RBFOX1: variants seen among roughly 807,000 people sequenced by gnomAD.
RBFOX1 encodes RNA binding protein fox-1 homolog 1.
In RBFOX1, 8 loss-of-function variants were observed where a neutral mutation model predicts 57.7. The observed-to-expected ratio is 0.14, with a 90% CI of 0.08 to 0.25. RBFOX1 has a LOEUF of 0.25. RBFOX1 is among the 10% of genes least tolerant of loss of function. The probability of loss-of-function intolerance (pLI) is 1.00; values close to 1 mark genes in which losing one functional copy is unlikely to be tolerated. For missense variants in RBFOX1, 611 were observed against 548.5 expected (o/e 1.11, Z -1.14); for synonymous variants, 326 against 222.4 (o/e 1.47, Z -4.15).
chr16:7,454,483 A>G (rs1197435152), intron 4 of RBFOX1, among the ~76,000 whole-genome samples: 1 of 152,188 alleles, frequency 6.6e-6, no homozygotes, highest in Admixed American at 6.5e-5. Flanking sequence ...GTTATAGGCT[A>G]TTATAGATAT....
intron 4 of RBFOX1, among the ~76,000 whole-genome samples, chr16:7,130,438 G>A (rs969783286): frequency 6.6e-6 from 1 of 152,156 alleles, no homozygotes; most frequent in Non-Finnish European, 1.5e-5. Context: ...TAACACTTTT[G>A]TGAACCACAT....
chr16:6,941,410 T>C (rs893132663), intron 3 of RBFOX1, among the ~76,000 whole-genome samples: 4 of 151,312 alleles, frequency 2.6e-5, no homozygotes, highest in Non-Finnish European at 5.9e-5. Context: ...GTTTTCTCAT[T>C]TGGAATATTA....
At chr16:5,768,305 G>A (rs2053857243) in intron 3 of RBFOX1, among the ~76,000 whole-genome samples, 1 of 152,268 alleles carries the variant, frequency 6.6e-6, no homozygotes, top group East Asian at 1.9e-4. Flanking sequence ...ATCAAATGGG[G>A]GCCGCTAAGA....
intron 4 of RBFOX1, among the ~76,000 whole-genome samples, chr16:7,118,645 C>T (rs1341828523): frequency 1.3e-5 from 2 of 152,042 alleles, no homozygotes; most frequent in Admixed American, 6.6e-5. Flanking sequence ...TGTCATATTC[C>T]ATTGGTTAGA....
chr16:6,834,458 T>A (rs2141175322), intron 3 of RBFOX1, among the ~76,000 whole-genome samples: 1 of 152,232 alleles, frequency 6.6e-6, no homozygotes, highest in South Asian at 2.1e-4. Context: ...AATGGATGCC[T>A]ATAGCCTTGC....
At chr16:7,434,465 C>T (rs1338606003) in intron 4 of RBFOX1, among the ~76,000 whole-genome samples, 1 of 151,618 alleles carries the variant, frequency 6.6e-6, no homozygotes, top group East Asian at 2.0e-4. Context: ...GAGCAAGACT[C>T]TGTCTCGTTA....
At chr16:5,424,922 TC>T (rs2067484069) in intron 1 of RBFOX1, among the ~76,000 whole-genome samples, 1 of 124,362 alleles carries the variant, frequency 8.0e-6, no homozygotes, top group African/African-American at 3.4e-5. Context: ...TTTCTTTCTT[TC>T]TTTCTTTCTT....
chr16:6,756,759 G>C (rs1350659280), intron 3 of RBFOX1, among the ~76,000 whole-genome samples: 1 of 152,074 alleles, frequency 6.6e-6, no homozygotes, highest in Non-Finnish European at 1.5e-5. Flanking sequence ...GTCATGTGAG[G>C]TCAGGAGTTC....
chr16:5,860,360 C>T (rs1318948616), intron 3 of RBFOX1, among the ~76,000 whole-genome samples: 1 of 152,180 alleles, frequency 6.6e-6, no homozygotes, highest in African/African-American at 2.4e-5. Context: ...CAGACGTGAG[C>T]CACCGCGCCT....
At chr16:6,903,444 C>G (rs1001790732) in intron 3 of RBFOX1, among the ~76,000 whole-genome samples, 4 of 152,178 alleles carry the variant, frequency 2.6e-5, no homozygotes, top group Non-Finnish European at 4.4e-5. Context: ...AGTCTGCCAT[C>G]ATTGCTTATC....
intron 3 of RBFOX1, among the ~76,000 whole-genome samples, chr16:5,867,046 T>C (rs1331514038): frequency 1.3e-5 from 2 of 152,196 alleles, no homozygotes; most frequent in African/African-American, 4.8e-5. Context: ...ATTTTTTTCT[T>C]GACAAGATTG....
intron 9 of RBFOX1, among the ~76,000 whole-genome samples, chr16:7,602,666 A>G (rs1396251125): frequency 6.6e-6 from 1 of 152,178 alleles, no homozygotes; most frequent in African/African-American, 2.4e-5. Flanking sequence ...ATATATTTAC[A>G]TAAGCCCGCA....
At chr16:7,027,818 A>T (rs1272095924) in intron 3 of RBFOX1, among the ~76,000 whole-genome samples, 1 of 151,822 alleles carries the variant, frequency 6.6e-6, no homozygotes, top group East Asian at 1.9e-4. Context: ...AATGAGAAAG[A>T]AGGGAAGGAA....
intron 4 of RBFOX1, among the ~76,000 whole-genome samples, chr16:5,976,154 TAATA>T (rs562895604): frequency 2.6e-5 from 4 of 151,772 alleles, no homozygotes; most frequent in African/African-American, 7.3e-5. Flanking sequence ...CAAAATAAAT[TAATA>T]AATAAATAAT....
At chr16:5,464,404 G>A (rs1472350181) in intron 1 of RBFOX1, among the ~76,000 whole-genome samples, 1 of 152,208 alleles carries the variant, frequency 6.6e-6, no homozygotes, top group Non-Finnish European at 1.5e-5. Flanking sequence ...AACGCCTTAG[G>A]AAAAGATGTC....
At position 5,267,419 on chromosome 16, in the gene RBFOX1, C is replaced by A. The variant is rs568760140; in HGVS notation, c.219+27314C>A. Among the ~76,000 whole-genome samples, 55 of 152,044 alleles carry A rather than the reference C, an allele frequency of 3.6e-4. No individual in the cohort carries two copies. In the South Asian group the frequency reaches 0.011, roughly 29 times the overall value. Reference sequence around the variant, plus strand: ...TTCAAGCAATGCTTGTGCCTCAGCCCCCTGAGCAGCTGGGACTACAGGTAC... The same window carrying A: ...TTCAAGCAATGCTTGTGCCTCAGCCACCTGAGCAGCTGGGACTACAGGTAC... On this transcript the variant is annotated intron_variant, in intron 1 of 2. Coordinates refer to the RBFOX1 transcript ENST00000585867.
At chr16:5,548,190 T>C (rs1228407572) in intron 2 of RBFOX1, among the ~76,000 whole-genome samples, 2 of 132,046 alleles carry the variant, frequency 1.5e-5, no homozygotes, top group African/African-American at 5.4e-5. Context: ...TATATATATA[T>C]ATATATATAT....
At chr16:7,167,193 C>A (rs1225628117) in intron 4 of RBFOX1, among the ~76,000 whole-genome samples, 1 of 151,294 alleles carries the variant, frequency 6.6e-6, no homozygotes, top group Admixed American at 6.6e-5. Context: ...TCCGTGTTGG[C>A]CAGGCTGGTC....
chr16:6,130,741 T>C (rs1233643975), intron 1 of RBFOX1, among the ~76,000 whole-genome samples: 2 of 152,166 alleles, frequency 1.3e-5, no homozygotes, highest in Admixed American at 6.6e-5. Context: ...ACTGTCAAAG[T>C]TGACTTCAGG....
Sources: allele counts gnomAD v4.1 joint callset (sites outside exome capture counted in the v4.1 genomes callset), GRCh38; gene constraint gnomAD v4.1.1; transcripts MANE v1.5; gene names NCBI Gene and HGNC (gene_info 2026-07-23, HGNC 2026-07-21).